Variants in PATJ observed in about 807,000 individuals in gnomAD.
The protein encoded by PATJ is PATJ crumbs cell polarity complex component, also known as inaD-like protein.
PATJ carries 190 observed loss-of-function variants against 224.9 expected under a neutral mutation model. That is an observed-to-expected ratio of 0.84 (90% CI 0.75 to 0.95). The LOEUF (loss-of-function observed/expected upper bound fraction) is 0.95, where lower values mean the gene tolerates loss of function less well. PATJ is among the 40% of genes least tolerant of loss of function. The pLI, the probability that PATJ is intolerant of heterozygous loss-of-function variation, is 0.00. For synonymous variants in PATJ, 769 were observed against 820.3 expected (o/e 0.94, Z 1.07); for missense variants, 2,121 against 2,270.3 (o/e 0.93, Z 1.34).
Position 61,797,856 on chromosome 1 carries a change from G to A in PATJ, c.1402+428G>A, listed in dbSNP as rs553207072. The stretch of plus-strand genomic sequence containing the variant: ...CTTACTGTCTTGCCTAGGCTGGAGT[G>A]CAGTGGCACGATCTTGGCTTACTGC... On this transcript the variant is annotated intron_variant, in intron 11 of 43. Transcript: ENST00000642238. 4.1e-4 allele frequency among the ~76,000 whole-genome samples: 62 copies of A among 151,792 alleles called. No individual in the cohort carries two copies. The Middle Eastern group carries it at 0.01, about 25-fold the overall frequency.
chr1:61,996,934 G>T (rs1645398650), intron 28 of PATJ, among the ~76,000 whole-genome samples: 1 of 151,798 alleles, frequency 6.6e-6, no homozygotes, highest in Non-Finnish European at 1.5e-5. Flanking sequence ...TGGAGACGGG[G>T]TGTCACCATG....
At chr1:61,828,701 T>C (rs1658775361) in intron 16 of PATJ, among the ~76,000 whole-genome samples, 1 of 152,210 alleles carries the variant, frequency 6.6e-6, no homozygotes, top group African/African-American at 2.4e-5. Context: ...TGGAAGAGTT[T>C]TGAGCACATA....
chr1:61,942,829 A>G (rs10889275), intron 27 of PATJ, among the ~76,000 whole-genome samples: 6,591 of 152,234 alleles, frequency 0.043, 531 homozygotes, highest in African/African-American at 0.15. Context: ...GATTACAGGC[A>G]TGAGCCACCA....
intron 38 of PATJ, among the ~76,000 whole-genome samples, 198 bp from the exon 39 acceptor site, chr1:62,122,823 C>CA (rs367957104): frequency 1.9e-3 from 242 of 127,630 alleles, no homozygotes; most frequent in Middle Eastern, 8.3e-3. Context: ...GACTCTGTGT[C>CA]AAAAAAAAAA....
chr1:62,103,008 G>A (rs7535670), intron 33 of PATJ, among the ~76,000 whole-genome samples: 38,028 of 151,720 alleles, frequency 0.25, 5,293 homozygotes, highest in South Asian at 0.41. Context: ...TCATCGCCTC[G>A]CCTCATTAAG....
chr1:61,902,310 T>TGACACCATGGTG (rs1553197858), intron 24 of PATJ, among the ~76,000 whole-genome samples: 2 of 151,876 alleles, frequency 1.3e-5, no homozygotes, highest in Admixed American at 6.6e-5. Context: ...GTTAATTGGG[T>TGACACCATGGTG]GACACCATGG....
At chr1:62,074,367 A>AT (rs1057343062) in intron 31 of PATJ, among the ~76,000 whole-genome samples, 23 of 151,690 alleles carry the variant, frequency 1.5e-4, no homozygotes, top group Non-Finnish European at 2.4e-4. Context: ...TAATAATAAA[A>AT]TTAAAAAAAA....
rs1236296002 is a variant in PATJ, at chr1:61,986,489, TG to T, written c.3671-3677del. Among the ~76,000 whole-genome samples, 6 of 152,220 alleles carry T rather than the reference TG, an allele frequency of 3.9e-5. 1 individual carries two copies. The highest frequency in any genetic ancestry group is 1.2e-4 in the African/African-American group (5 of 41,458). On this transcript the variant is annotated intron_variant, in intron 27 of 43. Transcript: ENST00000642238. ...AGGCTAAAGTGCAGTAGTACAGTCA[TG>T]GCTCATTGTAACCTTGAACTCCTGG...
At chr1:61,761,696 TAA>T (rs1645980610) in intron 1 of PATJ, among the ~76,000 whole-genome samples, 2 of 151,008 alleles carry the variant, frequency 1.3e-5, no homozygotes. Context: ...TTTTTTTTTT[TAA>T]TTTTTGAGAC....
At chr1:62,120,075 T>C (rs1361497764) in intron 37 of PATJ, among the ~76,000 whole-genome samples, 3 of 152,216 alleles carry the variant, frequency 2.0e-5, no homozygotes, top group African/African-American at 7.2e-5. Context: ...ACTTAAATCA[T>C]ATCCTTTAAG....
rs190883456 is a variant in PATJ, at chr1:62,109,167, G to A, written c.4461+647G>A. On this transcript the variant is annotated intron_variant, in intron 34 of 43. Coordinates refer to ENST00000642238, the MANE Select transcript of PATJ (RefSeq NM_001350145.3). ...GGCGATGCCAGGCGTTCTGGTAGGT[G>A]GAACTAAAGAGCTTTCTCGATGGTG... Among the ~76,000 whole-genome samples the A allele has an allele frequency of 5.9e-4, 89 of 151,250 alleles. 1 individual carries two copies. Among genetic ancestry groups the A allele is most frequent in the Admixed American group, 5.8e-3 (88 of 15,196 alleles).
At chr1:61,761,081 C>T (rs1417295018) in intron 1 of PATJ, among the ~76,000 whole-genome samples, 3 of 151,896 alleles carry the variant, frequency 2.0e-5, no homozygotes, top group Non-Finnish European at 2.9e-5. Flanking sequence ...TGGGCTCAAG[C>T]GATCCTCTCA....
intron 41 of PATJ, among the ~76,000 whole-genome samples, chr1:62,146,871 A>C (rs925729331): frequency 6.6e-6 from 1 of 152,186 alleles, no homozygotes; most frequent in Non-Finnish European, 1.5e-5. Context: ...GAGATGAGCC[A>C]AGGATGACAC....
chr1:62,099,847 G>A (rs752649699), intron 33 of PATJ, among the ~76,000 whole-genome samples: 24 of 152,174 alleles, frequency 1.6e-4, no homozygotes, highest in Middle Eastern at 3.4e-3. Context: ...CTAACACCTG[G>A]CTTCTTTAAG....
At chr1:61,769,470 C>T in intron 5 of PATJ, 48 bp downstream of exon 5, 1 of 1,569,114 alleles carries the variant, frequency 6.4e-7, no homozygotes, top group Non-Finnish European at 8.7e-7. Flanking sequence ...CCTGATAATT[C>T]TGAAAACTAT....
chr1:61,835,572 T>C (rs1416322643), intron 17 of PATJ, among the ~76,000 whole-genome samples: 1 of 151,976 alleles, frequency 6.6e-6, no homozygotes, highest in African/African-American at 2.4e-5. Flanking sequence ...CCCTCCTAAC[T>C]TTTCTATTTT....
chr1:61,931,969 A>G (rs1487560526), intron 27 of PATJ, among the ~76,000 whole-genome samples: 1 of 148,596 alleles, frequency 6.7e-6, no homozygotes, highest in African/African-American at 2.4e-5. Flanking sequence ...ATAATGTGTG[A>G]ATTTTATTCT....
intron 42 of PATJ, among the ~76,000 whole-genome samples, chr1:62,150,679 GAAAAAAAAAAAA>G (rs56167585): frequency 1.4e-3 from 115 of 82,002 alleles, no homozygotes; most frequent in East Asian, 7.9e-3. Context: ...CCTGTCTCAA[GAAAAAAAAAAAA>G]AAAAAAAAAA....
chr1:61,982,472 T>C (rs566083222), intron 27 of PATJ, among the ~76,000 whole-genome samples: 1 of 152,080 alleles, frequency 6.6e-6, no homozygotes, highest in Non-Finnish European at 1.5e-5. Context: ...GTTCTCTGAG[T>C]ATCAGTCAGT....
Sources: allele counts gnomAD v4.1 joint callset (sites outside exome capture counted in the v4.1 genomes callset), GRCh38; gene constraint gnomAD v4.1.1; transcripts MANE v1.5; gene names NCBI Gene and HGNC (gene_info 2026-07-23, HGNC 2026-07-21).